The following SPAG16 variants were observed in gnomAD, a reference collection of about 807,000 sequenced individuals.
SPAG16 encodes the protein sperm-associated antigen 16 protein.
Under a neutral mutation model 80.4 loss-of-function variants are expected in SPAG16, and 86 were observed. That is an observed-to-expected ratio of 1.07 (90% CI 0.90 to 1.28). SPAG16 has a LOEUF of 1.28. SPAG16 is among the 50% of genes most tolerant of loss of function. SPAG16 has a pLI of 0.00. For missense variants in SPAG16, 870 were observed against 765.3 expected, an observed-to-expected ratio of 1.14 and a Z score of -1.61; for synonymous variants, 294 against 265.9, an observed-to-expected ratio of 1.11 and a Z score of -1.03.
chr2:213,975,857 C>T (rs2045344899), intron 12 of SPAG16, among the ~76,000 whole-genome samples: 1 of 151,660 alleles, frequency 6.6e-6, no homozygotes, highest in Non-Finnish European at 1.5e-5. Flanking sequence ...CACATGGTTT[C>T]TGAAGGTTAG....
At chr2:214,036,557 T>G (rs1464014138) in intron 13 of SPAG16, among the ~76,000 whole-genome samples, 1 of 152,224 alleles carries the variant, frequency 6.6e-6, no homozygotes, top group Non-Finnish European at 1.5e-5. Flanking sequence ...TTAAAAACAG[T>G]TGATACACAC....
At chr2:213,711,245 A>G (rs879117652) in intron 10 of SPAG16, among the ~76,000 whole-genome samples, 1 of 152,082 alleles carries the variant, frequency 6.6e-6, no homozygotes, top group African/African-American at 2.4e-5. Context: ...TTTTGGATAA[A>G]TTGTTATGGC....
At chr2:214,305,686 G>A (rs781633760) in intron 15 of SPAG16, among the ~76,000 whole-genome samples, 6 of 152,042 alleles carry the variant, frequency 3.9e-5, no homozygotes, top group Non-Finnish European at 8.8e-5. Flanking sequence ...AGTTGTAGCT[G>A]TTCAGTCTTA....
intron 10 of SPAG16, among the ~76,000 whole-genome samples, chr2:213,674,491 G>A (rs1049593582): frequency 1.3e-5 from 2 of 150,508 alleles, no homozygotes; most frequent in African/African-American, 2.5e-5. Flanking sequence ...CCACTAACTC[G>A]TCATCTAGCA....
intron 10 of SPAG16, among the ~76,000 whole-genome samples, chr2:213,791,512 C>T (rs1487661535): frequency 1.3e-5 from 2 of 151,948 alleles, no homozygotes; most frequent in Admixed American, 6.6e-5. Context: ...TTAAAGGATA[C>T]ACAAAATAAG....
chr2:213,928,673 T>A (rs1575576812), intron 11 of SPAG16, among the ~76,000 whole-genome samples: 1 of 152,208 alleles, frequency 6.6e-6, no homozygotes, highest in East Asian at 1.9e-4. Flanking sequence ...TTACTTACTC[T>A]AAAGCATTTA....
At chr2:213,438,967 T>A (rs1240871233) in intron 9 of SPAG16, among the ~76,000 whole-genome samples, 3 of 152,184 alleles carry the variant, frequency 2.0e-5, no homozygotes, top group African/African-American at 7.2e-5. Context: ...GATTGTTCCC[T>A]GGATGATAGC....
Position 213,452,985 on chromosome 2 carries a change from G to T in SPAG16, c.943-36978G>T, listed in dbSNP as rs539428582. Among the ~76,000 whole-genome samples, 8 of 152,158 alleles carry T rather than the reference G, an allele frequency of 5.3e-5. No individual in the cohort carries two copies. In the South Asian group the frequency reaches 1.5e-3, roughly 28 times the overall value. On this transcript the variant is annotated intron_variant, in intron 9 of 15. Transcript: ENST00000331683. ...TCTTTTTGAATTAACAGCTTTTAAG[G>T]CTATTAGTTCCTATGCATTCTTCAG...
chr2:214,180,142 A>G (rs2057265291), intron 15 of SPAG16, among the ~76,000 whole-genome samples: 2 of 151,662 alleles, frequency 1.3e-5, no homozygotes, highest in African/African-American at 4.8e-5. Flanking sequence ...ACCAGAAATT[A>G]TAATACCTAT....
intron 10 of SPAG16, among the ~76,000 whole-genome samples, chr2:213,603,254 C>T (rs897472468): frequency 6.6e-6 from 1 of 152,204 alleles, no homozygotes; most frequent in East Asian, 1.9e-4. Flanking sequence ...TCTGTGAAAC[C>T]CTTGTTTATA....
At chr2:213,725,725 G>A (rs547138314) in intron 10 of SPAG16, among the ~76,000 whole-genome samples, 20 of 152,328 alleles carry the variant, frequency 1.3e-4, no homozygotes, top group Non-Finnish European at 2.4e-4. Context: ...GTTGACTTGA[G>A]TGTTTAAGAA....
intron 15 of SPAG16, among the ~76,000 whole-genome samples, chr2:214,237,808 A>G (rs1344441119): frequency 6.6e-6 from 1 of 152,048 alleles, no homozygotes; most frequent in African/African-American, 2.4e-5. Flanking sequence ...GTGTAAAAGT[A>G]TGATTTTTAA....
chr2:213,304,799 C>T (rs1044548385), intron 3 of SPAG16, among the ~76,000 whole-genome samples: 6 of 152,070 alleles, frequency 3.9e-5, no homozygotes, highest in South Asian at 2.1e-4. Flanking sequence ...TTTGATGTCA[C>T]ATAATGTGAT....
chr2:213,957,284 C>A (rs561795050), intron 12 of SPAG16, among the ~76,000 whole-genome samples: 19 of 152,068 alleles, frequency 1.2e-4, no homozygotes, highest in African/African-American at 4.6e-4. Flanking sequence ...CTGGTCAGAC[C>A]ATTGATGGTC....
In SPAG16 at chr2:214,149,208, A is replaced by T. The variant is rs1460065752; in HGVS notation, c.1662A>T (p.Pro554=). ...TGTGGGACTTTCGGAAGCTGTTACC[A>T]ATTGTGTCCATCGATATAGGTCCAA... ...TKLWDFRKLL[P]IVSIDIGPSP... is the part of the protein sequence containing the mutation. Residue 554 remains proline (P), a synonymous_variant, in exon 15 of 16, where the codon CCA becomes CCT. Coordinates refer to ENST00000331683, the MANE Select transcript of SPAG16 (RefSeq NM_024532.5). 6.3e-7 allele frequency: 1 copy of T among 1,599,932 alleles called. No individual in the cohort carries two copies. The highest frequency in any genetic ancestry group is 1.1e-5 in the South Asian group (1 of 90,012).
chr2:213,770,104 T>G (rs1319037602), intron 10 of SPAG16, among the ~76,000 whole-genome samples: 1 of 152,214 alleles, frequency 6.6e-6, no homozygotes, highest in Non-Finnish European at 1.5e-5. Context: ...TTACTGAGTT[T>G]TATTTCAATA....
At chr2:213,697,140 A>C (rs2065189962) in intron 10 of SPAG16, among the ~76,000 whole-genome samples, 1 of 152,178 alleles carries the variant, frequency 6.6e-6, no homozygotes, top group African/African-American at 2.4e-5. Context: ...TTAGGTAGGT[A>C]GGTAAATTTT....
chr2:213,778,836 T>A (rs2069765672), intron 10 of SPAG16, among the ~76,000 whole-genome samples: 5 of 152,184 alleles, frequency 3.3e-5, no homozygotes. Flanking sequence ...TTAATGAATT[T>A]TTTTCAGTTC....
intron 10 of SPAG16, among the ~76,000 whole-genome samples, chr2:213,767,591 A>T (rs1192091848): frequency 6.6e-6 from 1 of 151,694 alleles, no homozygotes; most frequent in Non-Finnish European, 1.5e-5. Flanking sequence ...TTACATTACT[A>T]TGCTGCAGCC....
Sources: allele counts gnomAD v4.1 joint callset (sites outside exome capture counted in the v4.1 genomes callset), GRCh38; gene constraint gnomAD v4.1.1; transcripts MANE v1.5; gene names NCBI Gene and HGNC (gene_info 2026-07-23, HGNC 2026-07-21).